Variants in PLAC1 observed in about 807,000 individuals in gnomAD.
PLAC1 encodes the protein placenta associated 1.
For missense variants in PLAC1, 136 were observed against 163.2 expected (o/e 0.83, Z 0.91); for synonymous variants, 68 against 62.1 (o/e 1.09, Z -0.44).
intron 1 of PLAC1, among the ~76,000 whole-genome samples, chrX:134,630,795 A>G (rs1219927607): frequency 8.9e-6 from 1 of 111,999 alleles, no homozygotes; most frequent in Non-Finnish European, 1.9e-5. Context: ...CATTATTATT[A>G]TCTACTTTAG....
intron 2 of PLAC1, among the ~76,000 whole-genome samples, chrX:134,663,586 G>C (rs1037110597): frequency 2.7e-5 from 3 of 112,323 alleles, no homozygotes; most frequent in African/African-American, 6.5e-5. Context: ...CAGGGGTTCT[G>C]AGCAAAGTTC....
At chrX:134,678,446 C>T (rs1158984633) in intron 2 of PLAC1, among the ~76,000 whole-genome samples, 3 of 111,712 alleles carry the variant, frequency 2.7e-5, no homozygotes, top group Admixed American at 9.5e-5. Context: ...TCCAGTGCTT[C>T]GGTTCTCTAC....
At chrX:134,706,855 A>G (rs1368959139) in intron 2 of PLAC1, among the ~76,000 whole-genome samples, 1 of 112,035 alleles carries the variant, frequency 8.9e-6, no homozygotes, top group African/African-American at 3.2e-5. Flanking sequence ...ATACAAAAAT[A>G]GAAATTACCA....
intron 2 of PLAC1, among the ~76,000 whole-genome samples, chrX:134,584,746 G>A (rs1427793083): frequency 9.0e-6 from 1 of 111,451 alleles, no homozygotes; most frequent in Admixed American, 9.5e-5. Context: ...TTTATTTGAT[G>A]TGCTGATTTT....
intron 2 of PLAC1, among the ~76,000 whole-genome samples, chrX:134,591,152 C>T (rs2078037665): frequency 8.9e-6 from 1 of 112,223 alleles, no homozygotes; most frequent in Non-Finnish European, 1.9e-5. Context: ...AGGTAGGTCT[C>T]TATCTTTCAT....
intron 1 of PLAC1, among the ~76,000 whole-genome samples, chrX:134,740,209 C>T (rs1264267774): frequency 9.3e-6 from 1 of 107,899 alleles, no homozygotes; most frequent in Non-Finnish European, 1.9e-5. Context: ...CCCAGCTACT[C>T]GGGAGGCTGA....
rs530134417 is a variant in PLAC1, at chrX:134,637,907, C to T, written c.-131+20421G>A. ...TTTCCTTTATCCATGCCTATGATGG[C>T]GCATCCCTATTACTGTATTTCCTGG... On this transcript the variant is annotated intron_variant, in intron 1 of 2. Coordinates refer to ENST00000359237, the MANE Select transcript of PLAC1 (RefSeq NM_021796.4). Among the ~76,000 whole-genome samples, 23 of 111,714 alleles carry T rather than the reference C, an allele frequency of 2.1e-4. 2 individuals are homozygous for T. The Middle Eastern group carries it at 0.014, about 67-fold the overall frequency.
intron 2 of PLAC1, among the ~76,000 whole-genome samples, chrX:134,694,416 C>T (rs1230463071): frequency 1.8e-5 from 2 of 111,598 alleles, no homozygotes; most frequent in Non-Finnish European, 3.8e-5. Flanking sequence ...TCTGTCTGTT[C>T]CCATCCCTAG....
chrX:134,740,239 C>A (rs1225213636), intron 1 of PLAC1, among the ~76,000 whole-genome samples: 1 of 108,606 alleles, frequency 9.2e-6, no homozygotes, highest in African/African-American at 3.4e-5. Flanking sequence ...ATCGCTTGAA[C>A]CCGGGAGGCG....
chrX:134,581,013 A>G (rs760566922), intron 2 of PLAC1, among the ~76,000 whole-genome samples: 15 of 111,690 alleles, frequency 1.3e-4, no homozygotes, highest in African/African-American at 4.2e-4. Flanking sequence ...ACATTCTCCA[A>G]CTCTTGCATT....
At chrX:134,737,430 C>T (rs2078705876) in intron 1 of PLAC1, among the ~76,000 whole-genome samples, 2 of 112,494 alleles carry the variant, frequency 1.8e-5, no homozygotes, top group Admixed American at 1.9e-4. Flanking sequence ...GGGGTGTTAA[C>T]TGGTGTGGTT....
intron 2 of PLAC1, among the ~76,000 whole-genome samples, chrX:134,598,385 G>A (rs2078071986): frequency 8.9e-6 from 1 of 112,105 alleles, no homozygotes; most frequent in South Asian, 3.7e-4. Context: ...GAACTGCACT[G>A]GGTGTTTAAG....
At chrX:134,755,750 G>A (rs1457385679) in intron 1 of PLAC1, among the ~76,000 whole-genome samples, 1 of 106,903 alleles carries the variant, frequency 9.4e-6, no homozygotes, top group Non-Finnish European at 1.9e-5. Flanking sequence ...TTTTTCTTTA[G>A]ATTTAAAAAG....
chrX:134,687,442 T>C (rs966459405), intron 2 of PLAC1, among the ~76,000 whole-genome samples: 1 of 110,585 alleles, frequency 9.0e-6, no homozygotes, highest in Non-Finnish European at 1.9e-5. Context: ...GTATTTTATA[T>C]GTGGCTCAAG....
At chrX:134,622,556 A>C (rs2078216091) in intron 1 of PLAC1, among the ~76,000 whole-genome samples, 1 of 110,955 alleles carries the variant, frequency 9.0e-6, no homozygotes, top group Non-Finnish European at 1.9e-5. Context: ...GATACTGCTC[A>C]ACACCTTCGA....
At chrX:134,630,874 G>A (rs2078257732) in intron 1 of PLAC1, among the ~76,000 whole-genome samples, 1 of 111,906 alleles carries the variant, frequency 8.9e-6, no homozygotes, top group Non-Finnish European at 1.9e-5. Flanking sequence ...ATTAAGCTAA[G>A]TATTCTAAAA....
At chrX:134,574,123 G>C (rs756544108) in intron 2 of PLAC1, among the ~76,000 whole-genome samples, 1 of 109,065 alleles carries the variant, frequency 9.2e-6, no homozygotes, top group Non-Finnish European at 1.9e-5. Flanking sequence ...CACAGTGATG[G>C]AGAGACAGAC....
chrX:134,642,213 C>G (rs971273466), intron 1 of PLAC1, among the ~76,000 whole-genome samples: 8 of 111,882 alleles, frequency 7.2e-5, no homozygotes, highest in African/African-American at 9.7e-5. Context: ...GTAGACAGAC[C>G]ATGGAATGAC....
intron 1 of PLAC1, among the ~76,000 whole-genome samples, chrX:134,743,145 T>C (rs769482502): frequency 1.3e-4 from 14 of 111,857 alleles, no homozygotes; most frequent in Non-Finnish European, 2.4e-4. Context: ...CTAGAAGATG[T>C]AACAAGAAAG....
Sources: allele counts gnomAD v4.1 joint callset (sites outside exome capture counted in the v4.1 genomes callset), GRCh38; gene constraint gnomAD v4.1.1; transcripts MANE v1.5; gene names NCBI Gene and HGNC (gene_info 2026-07-23, HGNC 2026-07-21).